The following KCNIP4 variants were observed in gnomAD, a reference collection of about 807,000 sequenced individuals.
KCNIP4 encodes potassium voltage-gated channel interacting protein 4.
A neutral mutation model predicts 34.0 loss-of-function variants in KCNIP4; 12 were observed. That is an observed-to-expected ratio of 0.35 (90% CI 0.23 to 0.57). KCNIP4 has a LOEUF of 0.57. Among genes scored for constraint, KCNIP4 ranks in the 20% least tolerant of loss-of-function variants. KCNIP4 has a pLI of 0.83. For missense variants in KCNIP4, 238 were observed against 311.7 expected (o/e 0.76, Z 1.78); for synonymous variants, 124 against 102.2 (o/e 1.21, Z -1.29).
chr4:21,504,811 T>A (rs185041251), intron 1 of KCNIP4, among the ~76,000 whole-genome samples: 2 of 152,318 alleles, frequency 1.3e-5, no homozygotes, highest in East Asian at 3.9e-4. Flanking sequence ...TTAATTAGCT[T>A]CAGTCAGCCT....
At chr4:20,794,549 T>C (rs777034391) in intron 3 of KCNIP4, among the ~76,000 whole-genome samples, 1 of 152,148 alleles carries the variant, frequency 6.6e-6, no homozygotes, top group Non-Finnish European at 1.5e-5. Context: ...AACTATATTG[T>C]TTATGGATGC....
chr4:21,928,189 C>G (rs1352414560), intron 1 of KCNIP4, among the ~76,000 whole-genome samples: 1 of 151,252 alleles, frequency 6.6e-6, no homozygotes, highest in Non-Finnish European at 1.5e-5. Context: ...AGAGAATAAA[C>G]CCCTGGTTTG....
chr4:20,837,679 TA>T (rs1443721770), intron 3 of KCNIP4, among the ~76,000 whole-genome samples: 56 of 80,910 alleles, frequency 6.9e-4, no homozygotes, highest in Middle Eastern at 6.3e-3. Flanking sequence ...TATATATATA[TA>T]TATATATTTT....
At chr4:21,412,280 G>A (rs889355917) in intron 1 of KCNIP4, among the ~76,000 whole-genome samples, 8 of 152,058 alleles carry the variant, frequency 5.3e-5, no homozygotes, top group East Asian at 1.9e-4. Context: ...GAAAACCTGC[G>A]ATCCCATTGC....
At chr4:21,707,927 A>G (rs1220498458) in intron 1 of KCNIP4, among the ~76,000 whole-genome samples, 3 of 66,430 alleles carry the variant, frequency 4.5e-5, no homozygotes, top group African/African-American at 1.4e-4. Flanking sequence ...CCTGAAACAC[A>G]CACATACACA....
intron 1 of KCNIP4, among the ~76,000 whole-genome samples, chr4:21,354,280 T>A (rs1395959963): frequency 6.6e-6 from 1 of 152,102 alleles, no homozygotes; most frequent in Non-Finnish European, 1.5e-5. Flanking sequence ...AATGACAGGA[T>A]CAAATTCACA....
intron 1 of KCNIP4, among the ~76,000 whole-genome samples, chr4:21,730,698 A>G (rs1715526309): frequency 6.6e-6 from 1 of 152,224 alleles, no homozygotes; most frequent in South Asian, 2.1e-4. Context: ...ATATCTGCTA[A>G]GTGGAAATGT....
At chr4:21,210,348 C>A (rs570520339) in intron 1 of KCNIP4, among the ~76,000 whole-genome samples, 9 of 152,106 alleles carry the variant, frequency 5.9e-5, no homozygotes, top group African/African-American at 2.2e-4. Context: ...TCTCCCTCAG[C>A]GAGATTTTCT....
chr4:21,116,541 T>G (rs775915582), intron 1 of KCNIP4, among the ~76,000 whole-genome samples: 1 of 152,364 alleles, frequency 6.6e-6, no homozygotes, highest in Non-Finnish European at 1.5e-5. Flanking sequence ...CTGTACTTTA[T>G]GCCTTCCGTT....
At chr4:20,982,207 T>C (rs1474244308) in intron 1 of KCNIP4, among the ~76,000 whole-genome samples, 1 of 152,164 alleles carries the variant, frequency 6.6e-6, no homozygotes, top group South Asian at 2.1e-4. Context: ...CTCAATACAT[T>C]TGTGGAGGTT....
chr4:21,334,758 T>C (rs1716003008), intron 1 of KCNIP4, among the ~76,000 whole-genome samples: 1 of 151,860 alleles, frequency 6.6e-6, no homozygotes, highest in Admixed American at 6.6e-5. Flanking sequence ...TAAAATGTAT[T>C]ATACAGTATG....
intron 3 of KCNIP4, among the ~76,000 whole-genome samples, chr4:20,841,059 A>G (rs1416747672): frequency 6.6e-6 from 1 of 152,184 alleles, no homozygotes; most frequent in Non-Finnish European, 1.5e-5. Flanking sequence ...AAGGTGTTAA[A>G]CTACTGGGTG....
At chr4:21,278,394 T>C (rs937492400) in intron 1 of KCNIP4, among the ~76,000 whole-genome samples, 4 of 152,074 alleles carry the variant, frequency 2.6e-5, no homozygotes, top group African/African-American at 4.8e-5. Context: ...ATTGTTCCCC[T>C]CTCTGTGTCC....
At chr4:20,732,914 C>T (rs773476309) in intron 6 of KCNIP4, 129 bp from the exon 7 acceptor site, 15 of 601,380 alleles carry the variant, frequency 2.5e-5, no homozygotes, top group Middle Eastern at 4.3e-4. Flanking sequence ...CTTTGTTAGA[C>T]GACTGTTGGT....
intron 1 of KCNIP4, among the ~76,000 whole-genome samples, chr4:21,745,052 A>G (rs1560682168): frequency 1.3e-5 from 2 of 152,218 alleles, no homozygotes; most frequent in Non-Finnish European, 2.9e-5. Flanking sequence ...CAGAGATGGC[A>G]TTTTTGATTG....
Position 20,810,294 on chromosome 4 carries a change from AT to A in KCNIP4, c.288+40248del, listed in dbSNP as rs199864942. ...TATTGTATCGTCCCCTCTGGCATCC[AT>A]TTATGGGTCTGATTTCATTTCTATT... On this transcript the variant is annotated intron_variant, in intron 3 of 8. Transcript: ENST00000382152. Among the ~76,000 whole-genome samples the A allele has an allele frequency of 6.8e-3, 1,037 of 152,190 alleles. 16 individuals are homozygous for A. The highest frequency in any genetic ancestry group is 0.023 in the African/African-American group (968 of 41,498).
At chr4:21,107,796 T>C (rs1054575972) in intron 1 of KCNIP4, among the ~76,000 whole-genome samples, 4 of 151,532 alleles carry the variant, frequency 2.6e-5, no homozygotes, top group African/African-American at 2.4e-5. Flanking sequence ...GCAGGCCTGG[T>C]GGTGACAAAA....
intron 1 of KCNIP4, among the ~76,000 whole-genome samples, chr4:20,950,374 C>G (rs1057176053): frequency 6.6e-6 from 1 of 151,984 alleles, no homozygotes; most frequent in Non-Finnish European, 1.5e-5. Flanking sequence ...AAAAACTTGC[C>G]GAGGGGTTCA....
chr4:21,064,251 T>G (rs2108979457), intron 1 of KCNIP4, among the ~76,000 whole-genome samples: 1 of 152,262 alleles, frequency 6.6e-6, no homozygotes. Context: ...GTTAATGATT[T>G]ATGTTTCTGC....
Sources: gnomAD v4.1 joint callset for allele counts (sites outside exome capture counted in the v4.1 genomes callset) on GRCh38, gnomAD v4.1.1 for gene constraint, MANE v1.5 for transcripts, NCBI Gene and HGNC (gene_info 2026-07-23, HGNC 2026-07-21) for gene names.